Variants in BABAM2 observed in about 807,000 individuals in gnomAD.
The protein encoded by BABAM2 is BRISC and BRCA1 A complex member 2.
Under a neutral mutation model 54.7 loss-of-function variants are expected in BABAM2, and 31 were observed. The observed-to-expected ratio is 0.57, with a 90% confidence interval of 0.43 to 0.77. The LOEUF (loss-of-function observed/expected upper bound fraction) is 0.77. Among genes scored for constraint, BABAM2 ranks in the 30% least tolerant of loss-of-function variants. The pLI, the probability that BABAM2 is intolerant of heterozygous loss-of-function variation, is 0.00. For synonymous variants in BABAM2, 167 were observed against 162.9 expected (o/e 1.03, Z -0.19); for missense variants, 364 against 455.8 (o/e 0.80, Z 1.83).
At chr2:28,070,551 C>CTTTTTTTT (rs779324534) in intron 6 of BABAM2, among the ~76,000 whole-genome samples, 8 of 85,726 alleles carry the variant, frequency 9.3e-5, no homozygotes, top group African/African-American at 2.3e-4. Context: ...AAGTACTTTT[C>CTTTTTTTT]TTTTCTTTTT....
intron 7 of BABAM2, among the ~76,000 whole-genome samples, chr2:28,152,341 G>T (rs1035450563): frequency 6.6e-6 from 1 of 152,172 alleles, no homozygotes; most frequent in African/African-American, 2.4e-5. Context: ...CAGCTTCTCA[G>T]CTCTTGCTGG....
intron 7 of BABAM2, among the ~76,000 whole-genome samples, chr2:28,174,372 C>A (rs755822170): frequency 6.6e-6 from 1 of 152,188 alleles, no homozygotes; most frequent in African/African-American, 2.4e-5. Flanking sequence ...TAAAGCAAGG[C>A]TTCAAGAGGG....
At position 28,279,769 on chromosome 2, in the gene BABAM2, G is replaced by A. The variant is rs144189494; in HGVS notation, c.935-18569G>A. 7.2e-3 allele frequency among the ~76,000 whole-genome samples: 1,072 copies of A among 149,582 alleles called. 8 individuals carry two copies. Among genetic ancestry groups the A allele is most frequent in the African/African-American group, 0.025 (1,013 of 40,392 alleles). On this transcript the variant is annotated intron_variant, in intron 10 of 11. Coordinates refer to ENST00000379624, the MANE Select transcript of BABAM2 (RefSeq NM_199191.3). The stretch of plus-strand genomic sequence containing the variant: ...CTACCTCTGCCTCCTGGATTCAAGC[G>A]ATTCTCCTGCCTCAGCCTCCCGAGT...
At chr2:28,327,798 C>T (rs765386232) in intron 11 of BABAM2, among the ~76,000 whole-genome samples, 13 of 152,278 alleles carry the variant, frequency 8.5e-5, no homozygotes, top group East Asian at 1.9e-4. Flanking sequence ...GTTCCCACTG[C>T]GATATCAAGC....
intron 10 of BABAM2, among the ~76,000 whole-genome samples, chr2:28,268,345 C>T (rs1685154639): frequency 6.6e-6 from 1 of 152,054 alleles, no homozygotes; most frequent in Non-Finnish European, 1.5e-5. Context: ...CATTTTAGGA[C>T]AGTGATTATC....
intron 5 of BABAM2, among the ~76,000 whole-genome samples, chr2:28,043,676 T>G (rs1482719027): frequency 1.3e-5 from 2 of 152,224 alleles, no homozygotes; most frequent in African/African-American, 4.8e-5. Context: ...AGAACCACAC[T>G]TACCAGAGTA....
intron 7 of BABAM2, among the ~76,000 whole-genome samples, chr2:28,181,388 C>A (rs577327294): frequency 1.3e-5 from 2 of 152,092 alleles, no homozygotes; most frequent in East Asian, 3.8e-4. Flanking sequence ...ACAAATATCA[C>A]GTGTTCTCAT....
At chr2:28,203,106 G>T (rs559450142) in intron 7 of BABAM2, among the ~76,000 whole-genome samples, 99 of 152,302 alleles carry the variant, frequency 6.5e-4, no homozygotes, top group African/African-American at 2.1e-3. Flanking sequence ...TAAGGTGACA[G>T]GTTGTACCTT....
chr2:27,970,622 G>A (rs1995625), intron 3 of BABAM2, among the ~76,000 whole-genome samples: 151,122 of 152,292 alleles, frequency 0.99, 74,999 homozygotes, highest in Middle Eastern at 1. Flanking sequence ...TGCCATGATC[G>A]TACTCAAGAA....
intron 6 of BABAM2, among the ~76,000 whole-genome samples, chr2:28,062,503 C>T (rs1324608227): frequency 6.9e-6 from 1 of 144,420 alleles, no homozygotes; most frequent in Non-Finnish European, 1.5e-5. Flanking sequence ...GTGGAGGTTG[C>T]AGTGAGCCAA....
chr2:28,129,376 G>A lies in BABAM2; in HGVS notation c.676G>A (p.Glu226Lys). Residue 226 changes from glutamate to lysine, a missense_variant, in exon 7 of 12, where the codon GAG (glutamate) becomes AAG (lysine). By Grantham distance (56) the Glu-to-Lys change is moderately conservative (BLOSUM62 1). Coordinates refer to ENST00000379624, the MANE Select transcript of BABAM2 (RefSeq NM_199191.3). The stretch of plus-strand genomic sequence containing the variant: ...CAAGCTGTACTTGTCACCTCGAATT[G>A]AGCAGTAAGTGTCATTAACATGAGG... Reference protein sequence around the residue: ...YPKLYLSPRIEHALGGSSALH... With the variant: ...YPKLYLSPRIKHALGGSSALH... 1 of 1,611,606 alleles carries A rather than the reference G, an allele frequency of 6.2e-7. No individual in the cohort carries two copies. The highest frequency in any genetic ancestry group is 8.5e-7 in the Non-Finnish European group (1 of 1,177,744).
intron 7 of BABAM2, among the ~76,000 whole-genome samples, chr2:28,175,954 A>G (rs1254095925): frequency 6.6e-6 from 1 of 152,220 alleles, no homozygotes. Flanking sequence ...AGAAGATCAC[A>G]AATACCACTG....
chr2:28,331,112 T>C (rs1372352543), intron 11 of BABAM2, among the ~76,000 whole-genome samples: 1 of 152,214 alleles, frequency 6.6e-6, no homozygotes, highest in Non-Finnish European at 1.5e-5. Flanking sequence ...GAAAACTGGC[T>C]AGCCATACGC....
chr2:28,261,335 T>C (rs1684509386), intron 10 of BABAM2, among the ~76,000 whole-genome samples: 1 of 151,464 alleles, frequency 6.6e-6, no homozygotes, highest in Admixed American at 6.6e-5. Context: ...AGAATTTTTT[T>C]TTTTTTTTTG....
rs191221662 is a variant in BABAM2, at chr2:27,921,854, T to C, written c.129-7978T>C. Among the ~76,000 whole-genome samples the C allele has an allele frequency of 2.7e-3, 416 of 152,360 alleles. 1 individual carries two copies. Among genetic ancestry groups the C allele is most frequent in the African/African-American group, 9.5e-3 (393 of 41,580 alleles). On this transcript the variant is annotated intron_variant, in intron 2 of 11. Transcript: ENST00000379624. ...GAAAACCTTCCACAAATAATCACAC[T>C]TTTGCCTTTCTTGGAGGTGAGGATG...
chr2:28,054,564 T>C (rs1461051561), intron 6 of BABAM2, among the ~76,000 whole-genome samples: 1 of 152,142 alleles, frequency 6.6e-6, no homozygotes, highest in African/African-American at 2.4e-5. Flanking sequence ...GGAGCCCTGG[T>C]GAATGGGATT....
intron 11 of BABAM2, among the ~76,000 whole-genome samples, chr2:28,306,161 A>G (rs1375858624): frequency 6.6e-6 from 1 of 152,238 alleles, no homozygotes; most frequent in Admixed American, 6.5e-5. Context: ...ATCTTGATAA[A>G]TATTCCATGT....
Position 28,089,628 on chromosome 2 carries a change from G to A in BABAM2, c.571-39643G>A, listed in dbSNP as rs116412461. ...CATCTTACAGATGAGGAAACACTTTGTGCACTTTAAGTAACTTGCCCAGGC... is the reference window on the plus strand; with the variant it reads ...CATCTTACAGATGAGGAAACACTTTATGCACTTTAAGTAACTTGCCCAGGC... On this transcript the variant is annotated intron_variant, in intron 6 of 11. Coordinates refer to ENST00000379624, the MANE Select transcript of BABAM2 (RefSeq NM_199191.3). Among the ~76,000 whole-genome samples, 399 of 152,286 alleles carry A rather than the reference G, an allele frequency of 2.6e-3. 4 individuals are homozygous for A. Among genetic ancestry groups the A allele is most frequent in the African/African-American group, 9.3e-3 (386 of 41,556 alleles).
At chr2:28,301,411 G>A (rs1688098390) in intron 11 of BABAM2, among the ~76,000 whole-genome samples, 1 of 152,130 alleles carries the variant, frequency 6.6e-6, no homozygotes, top group Admixed American at 6.5e-5. Flanking sequence ...ACAGGCTTTG[G>A]GGTCATGTGT....
Sources: allele counts gnomAD v4.1 joint callset (sites outside exome capture counted in the v4.1 genomes callset), GRCh38; gene constraint gnomAD v4.1.1; transcripts MANE v1.5; gene names NCBI Gene and HGNC (gene_info 2026-07-23, HGNC 2026-07-21).